LUZP2: variants seen among roughly 807,000 people sequenced by gnomAD.
LUZP2 encodes leucine zipper protein 2.
A neutral mutation model predicts 51.6 loss-of-function variants in LUZP2; 52 were observed. The observed-to-expected ratio is 1.01, with a 90% CI of 0.81 to 1.27. The LOEUF (loss-of-function observed/expected upper bound fraction) is 1.27, where lower values mean the gene tolerates loss of function less well. Among genes scored for constraint, LUZP2 ranks in the 50% most tolerant of loss-of-function variants. The pLI is 0.00. For missense variants in LUZP2, 436 were observed against 395.4 expected (o/e 1.10, Z -0.87); for synonymous variants, 154 against 137.3 (o/e 1.12, Z -0.85).
intron 1 of LUZP2, among the ~76,000 whole-genome samples, chr11:24,572,921 T>C (rs1342428106): frequency 6.6e-6 from 1 of 152,082 alleles, no homozygotes; most frequent in African/African-American, 2.4e-5. Flanking sequence ...GTCCCAGAGA[T>C]GCAACTGATC....
intron 7 of LUZP2, among the ~76,000 whole-genome samples, chr11:24,938,815 G>A (rs1378923663): frequency 6.6e-6 from 1 of 152,126 alleles, no homozygotes; most frequent in Admixed American, 6.5e-5. Context: ...TGGCTATTTT[G>A]ATAACAATAC....
chr11:24,948,861 AT>A (rs1369175778), intron 7 of LUZP2, among the ~76,000 whole-genome samples: 24 of 150,896 alleles, frequency 1.6e-4, no homozygotes, highest in African/African-American at 4.1e-4. Flanking sequence ...CTATCTATCT[AT>A]CTATCTACCT....
chr11:24,773,189 G>A (rs1348273023), intron 5 of LUZP2, among the ~76,000 whole-genome samples: 4 of 150,950 alleles, frequency 2.6e-5, no homozygotes, highest in Non-Finnish European at 4.4e-5. Flanking sequence ...ATATTTATCT[G>A]TATATTTATT....
At chr11:25,010,673 AC>A (rs1565224175) in intron 9 of LUZP2, among the ~76,000 whole-genome samples, 1 of 129,762 alleles carries the variant, frequency 7.7e-6, no homozygotes. Flanking sequence ...ACATGGTGAA[AC>A]CCCATCTCTA....
At position 24,781,458 on chromosome 11, in the gene LUZP2, T is replaced by C. The variant is rs538638143; in HGVS notation, c.396+18150T>C. ...TGAAATATGTTGACTCTGCAGTAAT[T>C]GGCCCCTCAAAACAATATTAGGTCC... is the stretch of plus-strand genomic sequence containing the variant. On this transcript the variant is annotated intron_variant, in intron 5 of 11. Coordinates refer to ENST00000336930, the MANE Select transcript of LUZP2 (RefSeq NM_001009909.4). Among the ~76,000 whole-genome samples, 9 of 152,154 alleles carry C rather than the reference T, an allele frequency of 5.9e-5. No individual in the cohort carries two copies. The South Asian group carries it at 1.2e-3, about 21-fold the overall frequency.
chr11:24,942,188 CTT>C (rs1854770942), intron 7 of LUZP2, among the ~76,000 whole-genome samples: 1 of 152,026 alleles, frequency 6.6e-6, no homozygotes, highest in Non-Finnish European at 1.5e-5. Flanking sequence ...ACACAGAGAT[CTT>C]TGTATAAACA....
chr11:24,661,823 C>G (rs1027331203), intron 1 of LUZP2, among the ~76,000 whole-genome samples: 1 of 152,016 alleles, frequency 6.6e-6, no homozygotes, highest in Non-Finnish European at 1.5e-5. Context: ...GTTGACTTTT[C>G]TTTGAAGTTG....
intron 7 of LUZP2, among the ~76,000 whole-genome samples, chr11:24,926,191 G>A (rs997882759): frequency 6.8e-6 from 1 of 147,466 alleles, no homozygotes; most frequent in South Asian, 2.1e-4. Context: ...ATATATATGT[G>A]TATATATATA....
At chr11:24,834,087 A>T (rs1010200116) in intron 5 of LUZP2, among the ~76,000 whole-genome samples, 6 of 150,804 alleles carry the variant, frequency 4.0e-5, no homozygotes, top group Non-Finnish European at 8.9e-5. Flanking sequence ...CCTATATGGT[A>T]TTTTTTTTTC....
intron 1 of LUZP2, among the ~76,000 whole-genome samples, chr11:24,716,933 A>G (rs1046735433): frequency 5.3e-5 from 8 of 152,260 alleles, no homozygotes; most frequent in East Asian, 1.9e-4. Flanking sequence ...AATGATTACT[A>G]GAAAAAATGA....
intron 1 of LUZP2, among the ~76,000 whole-genome samples, chr11:24,578,911 C>G (rs570847966): frequency 1.3e-5 from 2 of 151,970 alleles, no homozygotes; most frequent in East Asian, 3.9e-4. Flanking sequence ...CACATATACC[C>G]CTGAATCTAA....
At chr11:24,800,344 T>G (rs777924694) in intron 5 of LUZP2, among the ~76,000 whole-genome samples, 2 of 152,038 alleles carry the variant, frequency 1.3e-5, no homozygotes, top group Non-Finnish European at 2.9e-5. Flanking sequence ...TGTAGGACTG[T>G]GGTGTCTGTG....
intron 5 of LUZP2, among the ~76,000 whole-genome samples, chr11:24,772,001 G>A (rs1452376103): frequency 6.6e-6 from 1 of 152,092 alleles, no homozygotes; most frequent in Admixed American, 6.5e-5. Flanking sequence ...AGCAGCATGA[G>A]AAGAGGACAA....
At chr11:24,826,527 T>A (rs1850547607) in intron 5 of LUZP2, among the ~76,000 whole-genome samples, 1 of 151,700 alleles carries the variant, frequency 6.6e-6, no homozygotes, top group Admixed American at 6.6e-5. Flanking sequence ...TTTTTTTTTT[T>A]TTTTCCTAAT....
chr11:24,657,753 C>G (rs1234087863), intron 1 of LUZP2, among the ~76,000 whole-genome samples: 4 of 152,100 alleles, frequency 2.6e-5, no homozygotes, highest in Admixed American at 2.6e-4. Context: ...AATCAATGTA[C>G]AAAAATCACA....
At chr11:24,908,645 T>C (rs1853532948) in intron 6 of LUZP2, among the ~76,000 whole-genome samples, 1 of 152,146 alleles carries the variant, frequency 6.6e-6, no homozygotes, top group Non-Finnish European at 1.5e-5. Flanking sequence ...GGGTTTTGAA[T>C]TAATATATAT....
intron 7 of LUZP2, among the ~76,000 whole-genome samples, chr11:24,959,368 T>G (rs961774544): frequency 6.6e-6 from 1 of 152,188 alleles, no homozygotes; most frequent in African/African-American, 2.4e-5. Context: ...TTCATGATAT[T>G]GATACTTCCT....
In LUZP2 at chr11:24,926,501, A is replaced by ATG. The variant is rs369388590; in HGVS notation, c.522+11971_522+11972dup. Among the ~76,000 whole-genome samples, 40 of 135,652 alleles carry ATG rather than the reference A, an allele frequency of 2.9e-4. 3 individuals carry two copies. Among genetic ancestry groups the ATG allele is most frequent in the East Asian group, 1.1e-3 (5 of 4,732 alleles). The allele number at this position is 135,652 out of a possible 152,430, so 89.0% of individuals were successfully genotyped here. On this transcript the variant is annotated intron_variant, in intron 7 of 11. Coordinates refer to ENST00000336930, the MANE Select transcript of LUZP2 (RefSeq NM_001009909.4). ...TGTGTGTGTATATATATGTGTATAT[A>ATG]TGTGTGTGTATATACGTGTATATAT...
At chr11:25,068,475 A>T (rs1387480635) in intron 10 of LUZP2, among the ~76,000 whole-genome samples, 1 of 151,880 alleles carries the variant, frequency 6.6e-6, no homozygotes, top group Non-Finnish European at 1.5e-5. Context: ...ACTTCTTGTC[A>T]GCCATATGAG....
Sources: allele counts gnomAD v4.1 joint callset (sites outside exome capture counted in the v4.1 genomes callset), GRCh38; gene constraint gnomAD v4.1.1; transcripts MANE v1.5; gene names NCBI Gene and HGNC (gene_info 2026-07-23, HGNC 2026-07-21).